KIRREL1: variants seen among roughly 807,000 people sequenced by gnomAD.
KIRREL1 encodes the protein kin of IRRE-like protein 1.
KIRREL1 carries 25 observed loss-of-function variants against 83.3 expected under a neutral mutation model. The ratio of observed to expected loss-of-function variants is 0.30; its 90% CI spans 0.22 to 0.42. KIRREL1 has a LOEUF of 0.42. Ranked by LOEUF, KIRREL1 falls within the 10% of genes least tolerant of loss-of-function variation. The pLI, the probability that KIRREL1 is intolerant of heterozygous loss-of-function variation, is 1.00. For missense variants in KIRREL1, 812 were observed against 1,032.3 expected (o/e 0.79, Z 2.92); for synonymous variants, 388 against 410.4 (o/e 0.95, Z 0.66).
intron 1 of KIRREL1, among the ~76,000 whole-genome samples, chr1:158,072,669 G>A (rs1370637189): frequency 6.6e-6 from 1 of 152,066 alleles, no homozygotes; most frequent in East Asian, 1.9e-4. Flanking sequence ...TCAGTGAGAG[G>A]AGGAACAATG....
Position 158,095,193 on chromosome 1 carries a change from G to C in KIRREL1, c.*73G>C. On this transcript the variant is annotated 3_prime_UTR_variant, in exon 15 of 15. Coordinates refer to ENST00000359209, the MANE Select transcript of KIRREL1 (RefSeq NM_018240.7). ...TTCACAGCTGTTCCCTGATATTCAGGGGCATTGCTCATTGCTCCCTTCTCG... is the reference window on the plus strand; with the variant it reads ...TTCACAGCTGTTCCCTGATATTCAGCGGCATTGCTCATTGCTCCCTTCTCG... 9.0e-7 allele frequency: 1 copy of C among 1,110,264 alleles called. No homozygotes were observed. 68.8% of individuals were successfully genotyped at this position (1,110,264 alleles called of 1,614,324 possible).
chr1:158,044,038 T>C (rs1468226666), intron 1 of KIRREL1, among the ~76,000 whole-genome samples: 1 of 152,190 alleles, frequency 6.6e-6, no homozygotes, highest in East Asian at 1.9e-4. Context: ...AAGCTCGGTG[T>C]TTTGGACATT....
rs1256122906 is a variant in KIRREL1 at position 158,096,867 on chromosome 1, C to T, written c.*1747C>T. 6.6e-6 allele frequency: 3 copies of T among 456,746 alleles called. No individual in the cohort carries two copies. Among genetic ancestry groups the T allele is most frequent in the Non-Finnish European group, 4.4e-6 (1 of 226,984 alleles). The allele number at this position is 456,746 out of a possible 1,614,324, so 28.3% of individuals were successfully genotyped here. A position where few individuals can be genotyped will look rare whatever the true frequency, so the allele number is the denominator to read the frequency against. On this transcript the variant is annotated 3_prime_UTR_variant, in exon 15 of 15. Coordinates refer to ENST00000359209, the MANE Select transcript of KIRREL1 (RefSeq NM_018240.7). The stretch of plus-strand genomic sequence containing the variant: ...CTGGTGCAGTTCCCAAAATGTTCCT[C>T]GCCCTTTCTCCGTGGTCACCATTCA...
chr1:158,071,352 G>T (rs1045654462), intron 1 of KIRREL1, among the ~76,000 whole-genome samples: 3 of 152,130 alleles, frequency 2.0e-5, no homozygotes, highest in Non-Finnish European at 4.4e-5. Context: ...GTACGTGTGA[G>T]TGCGTGTGAG....
intron 1 of KIRREL1, among the ~76,000 whole-genome samples, chr1:158,020,600 CA>C (rs370156588): frequency 0.017 from 1,426 of 83,558 alleles, 13 homozygotes; most frequent in African/African-American, 0.063. Context: ...TACAGTAAAT[CA>C]AAAAAAAAAA....
At chr1:158,083,711 T>C (rs1661933741) in intron 3 of KIRREL1, among the ~76,000 whole-genome samples, 1 of 152,158 alleles carries the variant, frequency 6.6e-6, no homozygotes, top group Non-Finnish European at 1.5e-5. Context: ...AGAAGTGCTA[T>C]GGAGGTAGCC....
At chr1:158,000,458 T>G (rs1224259767) in intron 1 of KIRREL1, among the ~76,000 whole-genome samples, 1 of 152,238 alleles carries the variant, frequency 6.6e-6, no homozygotes, top group Non-Finnish European at 1.5e-5. Flanking sequence ...AGAAAGAAGC[T>G]TGGGGTTCCT....
chr1:158,080,420 G>C (rs1374909524), intron 3 of KIRREL1, among the ~76,000 whole-genome samples: 1 of 152,184 alleles, frequency 6.6e-6, no homozygotes, highest in Non-Finnish European at 1.5e-5. Context: ...ACCCTAGATG[G>C]AAGAGTGCCT....
chr1:158,081,956 C>T (rs1404707468), intron 3 of KIRREL1, among the ~76,000 whole-genome samples: 1 of 152,168 alleles, frequency 6.6e-6, no homozygotes, highest in African/African-American at 2.4e-5. Context: ...GATCTTCCTC[C>T]TGGGTGTGGC....
intron 1 of KIRREL1, among the ~76,000 whole-genome samples, chr1:158,028,530 C>T (rs537836148): frequency 2.0e-5 from 3 of 152,246 alleles, no homozygotes; most frequent in African/African-American, 4.8e-5. Context: ...ATTCCATTTG[C>T]GATGATATAC....
intron 1 of KIRREL1, among the ~76,000 whole-genome samples, chr1:158,026,446 G>A (rs999895512): frequency 6.6e-6 from 1 of 152,198 alleles, no homozygotes; most frequent in South Asian, 2.1e-4. Flanking sequence ...ACATGCAGGA[G>A]ATGGGGACAG....
chr1:158,062,522 C>T (rs1317294790), intron 1 of KIRREL1, among the ~76,000 whole-genome samples: 3 of 152,228 alleles, frequency 2.0e-5, no homozygotes, highest in South Asian at 2.1e-4. Flanking sequence ...ATTCTAGGAG[C>T]GCCTTTGCAG....
intron 1 of KIRREL1, among the ~76,000 whole-genome samples, chr1:158,042,617 T>C (rs1027846377): frequency 2.6e-5 from 4 of 152,134 alleles, no homozygotes; most frequent in African/African-American, 7.2e-5. Context: ...CTATGTACTT[T>C]ACAGATGCAT....
intron 1 of KIRREL1, among the ~76,000 whole-genome samples, chr1:158,010,393 G>GCACACACACACA (rs1196299743): frequency 8.0e-5 from 1 of 12,568 alleles, no homozygotes; most frequent in African/African-American, 3.3e-4. Context: ...TCACACACAT[G>GCACACACACACA]CATACACACA....
At chr1:158,009,305 G>T (rs768692207) in intron 1 of KIRREL1, among the ~76,000 whole-genome samples, 2 of 152,162 alleles carry the variant, frequency 1.3e-5, no homozygotes, top group Non-Finnish European at 2.9e-5. Flanking sequence ...AAATGAGGTG[G>T]ATCCTACTTC....
At chr1:158,092,473 G>A (rs1020552823) in intron 11 of KIRREL1, among the ~76,000 whole-genome samples, 5 of 148,262 alleles carry the variant, frequency 3.4e-5, no homozygotes, top group Admixed American at 6.8e-5. Context: ...TCAACCTCCC[G>A]AGTAGCTGGG....
At chr1:158,072,434 GGAGT>G (rs1661541803) in intron 1 of KIRREL1, among the ~76,000 whole-genome samples, 1 of 152,162 alleles carries the variant, frequency 6.6e-6, no homozygotes, top group Middle Eastern at 3.2e-3. Flanking sequence ...CCAGACTCCT[GGAGT>G]TGCCCCTGGG....
intron 1 of KIRREL1, among the ~76,000 whole-genome samples, chr1:158,027,728 G>GA (rs891483459): frequency 2.5e-4 from 38 of 152,344 alleles, no homozygotes; most frequent in Middle Eastern, 3.4e-3. Context: ...GGTGTGTGGG[G>GA]AAAATTAGAT....
chr1:158,096,405 T>G lies in KIRREL1; in HGVS notation c.*1285T>G, dbSNP rs1232753318. 2 of 355,190 alleles carry G rather than the reference T, an allele frequency of 5.6e-6. No homozygotes were observed. Among genetic ancestry groups the G allele is most frequent in the Non-Finnish European group, 1.1e-5 (2 of 179,896 alleles). 22.0% of individuals were successfully genotyped at this position (355,190 alleles called of 1,614,324 possible). On this transcript the variant is annotated 3_prime_UTR_variant, in exon 15 of 15. Coordinates refer to ENST00000359209, the MANE Select transcript of KIRREL1 (RefSeq NM_018240.7). ...TTCTTGGACCAATCAGATTCCTTCTTCCACTTTCAGTGCCTTGAGTGTCAA... is the reference window on the plus strand; with the variant it reads ...TTCTTGGACCAATCAGATTCCTTCTGCCACTTTCAGTGCCTTGAGTGTCAA...
Sources: allele counts gnomAD v4.1 joint callset (sites outside exome capture counted in the v4.1 genomes callset), GRCh38; gene constraint gnomAD v4.1.1; transcripts MANE v1.5; gene names NCBI Gene and HGNC (gene_info 2026-07-23, HGNC 2026-07-21).